Variants in EHBP1 observed in about 807,000 individuals in gnomAD.
EHBP1 encodes EH domain binding protein 1.
EHBP1 carries 55 observed loss-of-function variants against 144.0 expected under a neutral mutation model. The ratio of observed to expected loss-of-function variants is 0.38; its 90% CI spans 0.31 to 0.48. The LOEUF is 0.48. EHBP1 is among the 20% of genes least tolerant of loss of function. The probability of loss-of-function intolerance (pLI) is 0.98; values close to 1 mark genes in which losing one functional copy is unlikely to be tolerated. For missense variants in EHBP1, 1,200 were observed against 1,364.2 expected, an observed-to-expected ratio of 0.88 and a Z score of 1.90; for synonymous variants, 469 against 472.7, an observed-to-expected ratio of 0.99 and a Z score of 0.10.
chr2:62,885,874 C>A (rs2152893074), intron 10 of EHBP1, among the ~76,000 whole-genome samples: 1 of 152,256 alleles, frequency 6.6e-6, no homozygotes, highest in South Asian at 2.1e-4. Context: ...CTACTTACTC[C>A]CTCTCTGAAA....
chr2:62,841,524 G>A (rs1234754145), intron 7 of EHBP1, among the ~76,000 whole-genome samples: 1 of 152,020 alleles, frequency 6.6e-6, no homozygotes, highest in Non-Finnish European at 1.5e-5. Context: ...AAAATTTATT[G>A]ACTCTCTTCT....
At chr2:62,878,881 G>C (rs930267943) in intron 10 of EHBP1, among the ~76,000 whole-genome samples, 1 of 151,756 alleles carries the variant, frequency 6.6e-6, no homozygotes, top group East Asian at 1.9e-4. Flanking sequence ...AGCCAGGTGT[G>C]GTGGTGGGCG....
chr2:62,885,706 A>C (rs557820876), intron 10 of EHBP1, among the ~76,000 whole-genome samples: 30 of 152,216 alleles, frequency 2.0e-4, no homozygotes, highest in Non-Finnish European at 3.8e-4. Flanking sequence ...AATTACTGAC[A>C]ATAAAAAATT....
chr2:62,940,557 C>A (rs1238072824), intron 10 of EHBP1, among the ~76,000 whole-genome samples: 1 of 152,154 alleles, frequency 6.6e-6, no homozygotes, highest in African/African-American at 2.4e-5. Context: ...ACAGTTTCAT[C>A]CAATTATGTA....
At position 62,744,341 on chromosome 2, in the gene EHBP1, G is replaced by T. The variant is rs539421046; in HGVS notation, c.105-3054G>T. ...AATTGTAGGTTTATTGGTAGTTGGA[G>T]AAAACGCTCATAACTGTCCTGTCTG... On this transcript the variant is annotated intron_variant, in intron 2 of 22. Transcript: ENST00000431489. Among the ~76,000 whole-genome samples the T allele has an allele frequency of 9.9e-5, 15 of 152,122 alleles. No individual in the cohort carries two copies. In the South Asian group the frequency reaches 2.9e-3, roughly 29 times the overall value.
At chr2:63,016,588 G>A (rs570459332) in intron 19 of EHBP1, among the ~76,000 whole-genome samples, 3 of 151,808 alleles carry the variant, frequency 2.0e-5, no homozygotes, top group East Asian at 3.9e-4. Context: ...CCACCACCAC[G>A]CCCGACTAAT....
intron 19 of EHBP1, among the ~76,000 whole-genome samples, chr2:63,022,009 G>T (rs1210418218): frequency 1.3e-5 from 2 of 151,810 alleles, no homozygotes; most frequent in African/African-American, 4.8e-5. Flanking sequence ...TTCGTTATCC[G>T]CCCACCTCGG....
At chr2:62,832,085 A>C (rs2046855993) in intron 7 of EHBP1, among the ~76,000 whole-genome samples, 1 of 152,134 alleles carries the variant, frequency 6.6e-6, no homozygotes, top group Admixed American at 6.5e-5. Flanking sequence ...ATGTTTTTTC[A>C]TGTGTAAATT....
chr2:62,898,933 C>T (rs1307199033), intron 10 of EHBP1, among the ~76,000 whole-genome samples: 3 of 152,062 alleles, frequency 2.0e-5, no homozygotes, highest in African/African-American at 7.2e-5. Flanking sequence ...TGTTTTTCCC[C>T]CTCTTCCATG....
chr2:62,929,214 A>AC (rs937694758), intron 10 of EHBP1, among the ~76,000 whole-genome samples: 2 of 152,178 alleles, frequency 1.3e-5, no homozygotes, highest in Non-Finnish European at 2.9e-5. Context: ...GAGAGGGAAT[A>AC]CTCCTTACCT....
intron 19 of EHBP1, among the ~76,000 whole-genome samples, chr2:62,999,578 C>T (rs944895298): frequency 1.3e-5 from 2 of 152,246 alleles, no homozygotes; most frequent in Middle Eastern, 3.4e-3. Context: ...TGGAATCAAA[C>T]GATATTTGTC....
At chr2:62,967,285 C>G (rs1382669964) in intron 14 of EHBP1, among the ~76,000 whole-genome samples, 3 of 152,118 alleles carry the variant, frequency 2.0e-5, no homozygotes, top group Non-Finnish European at 4.4e-5. Flanking sequence ...ACCTCTACAG[C>G]GGCTCAGACC....
chr2:62,718,982 T>A (rs925360501), intron 2 of EHBP1, among the ~76,000 whole-genome samples: 3 of 149,688 alleles, frequency 2.0e-5, no homozygotes, highest in Non-Finnish European at 4.5e-5. Context: ...AGGTAGAATT[T>A]TTTTTTTTTT....
At chr2:62,929,212 A>G (rs1199174883) in intron 10 of EHBP1, among the ~76,000 whole-genome samples, 2 of 152,232 alleles carry the variant, frequency 1.3e-5, no homozygotes, top group Admixed American at 1.3e-4. Context: ...TGGAGAGGGA[A>G]TACTCCTTAC....
At chr2:62,760,307 A>G (rs1213914481) in intron 3 of EHBP1, among the ~76,000 whole-genome samples, 5 of 152,142 alleles carry the variant, frequency 3.3e-5, no homozygotes, top group African/African-American at 1.2e-4. Context: ...CAGTGTCTTA[A>G]CTCAGCCAGG....
chr2:62,942,921 C>G, intron 11 of EHBP1, 25 bp downstream of exon 11: 1 of 1,502,124 alleles, frequency 6.7e-7, no homozygotes, highest in Non-Finnish European at 9.0e-7. Flanking sequence ...TTTCCATTCC[C>G]TATATTTTGT....
At chr2:62,851,292 A>G (rs1384662319) in intron 7 of EHBP1, among the ~76,000 whole-genome samples, 3 of 152,146 alleles carry the variant, frequency 2.0e-5, no homozygotes, top group African/African-American at 4.8e-5. Flanking sequence ...TGCCAGCCCC[A>G]TCTAATTCCA....
At chr2:62,884,475 TG>T (rs1166252991) in intron 10 of EHBP1, among the ~76,000 whole-genome samples, 1 of 152,226 alleles carries the variant, frequency 6.6e-6, no homozygotes, top group Admixed American at 6.5e-5. Flanking sequence ...TGTTCTGCAC[TG>T]GGGACCAGGT....
intron 10 of EHBP1, among the ~76,000 whole-genome samples, chr2:62,898,220 C>A (rs2053102476): frequency 6.6e-6 from 1 of 152,138 alleles, no homozygotes; most frequent in African/African-American, 2.4e-5. Context: ...TCCAGCAAGA[C>A]TTCCAGTTCC....
Sources: allele counts gnomAD v4.1 joint callset (sites outside exome capture counted in the v4.1 genomes callset), GRCh38; gene constraint gnomAD v4.1.1; transcripts MANE v1.5; gene names NCBI Gene and HGNC (gene_info 2026-07-23, HGNC 2026-07-21).